Variants in PLA2G4C observed in about 807,000 individuals in gnomAD.
The protein encoded by PLA2G4C is phospholipase A2 group IVC.
PLA2G4C carries 64 observed loss-of-function variants against 73.8 expected under a neutral mutation model. That is an observed-to-expected ratio of 0.87 (90% CI 0.71 to 1.07). The LOEUF (loss-of-function observed/expected upper bound fraction) is 1.07, where lower values mean the gene tolerates loss of function less well. PLA2G4C is among the 50% of genes least tolerant of loss of function. The probability of loss-of-function intolerance (pLI) is 0.00; values close to 1 mark genes in which losing one functional copy is unlikely to be tolerated. For synonymous variants in PLA2G4C, 254 were observed against 252.1 expected (o/e 1.01, Z -0.07); for missense variants, 622 against 665.4 (o/e 0.93, Z 0.72).
At chr19:48,083,392 C>CTTTTTTTTTTTTTTTTTTTTTTTTTTT in intron 10 of PLA2G4C, among the ~76,000 whole-genome samples, 3 of 105,836 alleles carry the variant, frequency 2.8e-5, no homozygotes, top group Non-Finnish European at 3.8e-5. Context: ...ATTTTCTTTT[C>CTTTTTTTTTTTTTTTTTTTTTTTTTTT]TTTTTTTTTT....
rs1968197583 is a variant in PLA2G4C, at chr19:48,062,000, C to T, written c.1255G>A (p.Glu419Lys). 6.8e-6 allele frequency: 11 copies of T among 1,613,718 alleles called. No homozygotes were observed. The highest frequency in any genetic ancestry group is 1.3e-5 in the African/African-American group (1 of 74,980). Reference sequence around the variant, plus strand: ...GCCCCAAAGCCCTTCTCGATTACCTCGAAAGGATCTCCGGCACTGAAGTCG... The same window carrying T: ...GCCCCAAAGCCCTTCTCGATTACCTTGAAAGGATCTCCGGCACTGAAGTCG... ...SFDFSAGDPF[E>K]TIRATTDYCR... is the part of the protein sequence containing the mutation. Residue 419 changes from glutamate to lysine, a missense_variant and splice_region_variant, in exon 14 of 17, where the codon GAG becomes AAG. By Grantham distance (56) the Glu-to-Lys change is moderately conservative. Transcript: ENST00000599921.
In PLA2G4C at chr19:48,054,959, G is replaced by A. The variant is rs768032279; in HGVS notation, c.1348C>T (p.Pro450Ser). 10 of 1,613,710 alleles carry A rather than the reference G, an allele frequency of 6.2e-6. No homozygotes were observed. Among genetic ancestry groups the A allele is most frequent in the Non-Finnish European group, 5.9e-6 (7 of 1,179,976 alleles). The change falls in exon 15 of 17, where the codon CCC (proline) becomes TCC (serine). Residue 450 changes from proline to serine, a missense_variant. Coordinates refer to ENST00000599921, the MANE Select transcript of PLA2G4C (RefSeq NM_003706.3). ...EAELDLWSKA[P>S]ASCYILKGET... ...CCTTTCAGGATGTAGCAGCTGGCGGGGGCCTTGGACCACAAATCCAGCTCA... is the reference window on the plus strand; with the variant it reads ...CCTTTCAGGATGTAGCAGCTGGCGGAGGCCTTGGACCACAAATCCAGCTCA...
chr19:48,091,883 C>CAAAAAAAAAA lies in PLA2G4C; in HGVS notation c.710-1476_710-1467dup, dbSNP rs35118449. Among the ~76,000 whole-genome samples, 13 of 21,104 alleles carry CAAAAAAAAAA rather than the reference C, an allele frequency of 6.2e-4. 1 individual carries two copies. Among genetic ancestry groups the CAAAAAAAAAA allele is most frequent in the African/African-American group, 2.7e-3 (13 of 4,832 alleles). The allele number at this position is 21,104 out of a possible 152,430, so 13.8% of individuals were successfully genotyped here. A position where few individuals can be genotyped will look rare whatever the true frequency, so the allele number is the denominator to read the frequency against. On this transcript the variant is annotated intron_variant, in intron 7 of 16. Transcript: ENST00000599921. Reference sequence around the variant, plus strand: ...TGGGAGACAGAGTGAGACTCCATCTCAAAAAAAAAAAAAAAAAAAAAAAAA... The same window carrying CAAAAAAAAAA: ...TGGGAGACAGAGTGAGACTCCATCTCAAAAAAAAAAAAAAAAAAAAAAAAAAAAAAAAAAA...
intron 10 of PLA2G4C, among the ~76,000 whole-genome samples, chr19:48,079,094 C>T (rs2030367230): frequency 1.3e-5 from 2 of 152,128 alleles, no homozygotes; most frequent in African/African-American, 2.4e-5. Flanking sequence ...TCTCAAACTC[C>T]TGACCTCAGG....
chr19:48,097,941 G>T, intron 6 of PLA2G4C, 198 bp downstream of exon 6: 1 of 523,788 alleles, frequency 1.9e-6, no homozygotes, highest in Non-Finnish European at 3.3e-6. Context: ...CTTGATCCAT[G>T]CAAAGCAAGT....
At chr19:48,075,636 C>T (rs2122553528) in intron 11 of PLA2G4C, among the ~76,000 whole-genome samples, 2 of 152,326 alleles carry the variant, frequency 1.3e-5, no homozygotes, top group Middle Eastern at 3.4e-3. Context: ...TTCTACACTT[C>T]AACCTTCACC....
chr19:48,107,951 C>T (rs1043260612), intron 1 of PLA2G4C, among the ~76,000 whole-genome samples: 13 of 152,202 alleles, frequency 8.5e-5, no homozygotes, highest in African/African-American at 3.1e-4. Context: ...ACGTGACTCA[C>T]ATGACCTTAT....
At chr19:48,091,484 A>G (rs447271) in intron 7 of PLA2G4C, among the ~76,000 whole-genome samples, 14,106 of 152,050 alleles carry the variant, frequency 0.093, 1,385 homozygotes, top group African/African-American at 0.25. Context: ...CACGGTGCTC[A>G]GTCTGTCTTT....
intron 16 of PLA2G4C, among the ~76,000 whole-genome samples, chr19:48,051,522 G>A (rs139373839): frequency 2.0e-5 from 3 of 152,112 alleles, no homozygotes; most frequent in East Asian, 3.9e-4. Context: ...CATGGTGGAA[G>A]CAGGGCACCT....
At position 48,105,386 on chromosome 19, in the gene PLA2G4C, G is replaced by A. The variant is rs146093287; in HGVS notation, c.67C>T (p.Arg23Ter). ...AGAGCTTTCAGCACATGAAGTCTTCGTCTCTCCACGGCCGCCTTTTCTTCT... is the reference window on the plus strand; with the variant it reads ...AGAGCTTTCAGCACATGAAGTCTTCATCTCTCCACGGCCGCCTTTTCTTCT... ...QKEEKAAVER[R>*]RLHVLKALKK... Residue 23 changes from arginine to a stop codon, truncating the protein, a stop_gained, in exon 3 of 17, where the codon CGA becomes TGA. Transcript: ENST00000599921. LOFTEE classifies it high-confidence loss of function. The A allele has an allele frequency of 8.4e-5, 135 of 1,613,812 alleles. No homozygotes were observed. The African/African-American group carries it at 1.3e-3, about 15-fold the overall frequency.
chr19:48,084,112 T>A (rs906730183), intron 10 of PLA2G4C, among the ~76,000 whole-genome samples: 1 of 151,096 alleles, frequency 6.6e-6, no homozygotes, highest in Non-Finnish European at 1.5e-5. Flanking sequence ...CAGACTGGAC[T>A]GTAGTGGTGT....
intron 11 of PLA2G4C, among the ~76,000 whole-genome samples, 184 bp downstream of exon 11, chr19:48,077,587 G>A (rs1157786006): frequency 2.6e-5 from 4 of 152,158 alleles, no homozygotes; most frequent in Non-Finnish European, 5.9e-5. Context: ...GTGTCAGTTT[G>A]AACTCCGATC....
rs2032444259 is a variant in PLA2G4C at position 48,110,513 on chromosome 19, C to T, written c.-59G>A. On this transcript the variant is annotated 5_prime_UTR_variant, in exon 1 of 17. It removes an upstream start codon present in the reference 5' UTR. Coordinates refer to ENST00000599921, the MANE Select transcript of PLA2G4C (RefSeq NM_003706.3). ...TGAGCCTGGGTCTGGGGCGTGTGCG[C>T]ATGCGCGGTGGAGCTTGTGCTCCGG... is the stretch of plus-strand genomic sequence containing the variant. 1 of 1,023,780 alleles carries T rather than the reference C, an allele frequency of 9.8e-7. No homozygotes were observed. 63.4% of individuals were successfully genotyped at this position (1,023,780 alleles called of 1,614,324 possible).
In PLA2G4C at chr19:48,077,831, A is replaced by T. The variant is rs367648985; in HGVS notation, c.845-7T>A. Reference sequence around the variant, plus strand: ...TGCAGCCTCAGTAATCGGGCTGCAAAAGAGCAGAGGCAGGGGGAATGTTTA... The same window carrying T: ...TGCAGCCTCAGTAATCGGGCTGCAATAGAGCAGAGGCAGGGGGAATGTTTA... On this transcript the variant is annotated splice_polypyrimidine_tract_variant and splice_region_variant and intron_variant, in intron 10 of 16. Coordinates refer to ENST00000599921, the MANE Select transcript of PLA2G4C (RefSeq NM_003706.3). 6.2e-7 allele frequency: 1 copy of T among 1,604,678 alleles called. No individual in the cohort carries two copies. The highest frequency in any genetic ancestry group is 8.5e-7 in the Non-Finnish European group (1 of 1,175,788).
rs777013805 is a variant in PLA2G4C at position 48,077,778 on chromosome 19, G to A, written c.891C>T (p.Pro297=). ...LQESSQGEHP[P]PEDEGGEPEH... ...GCAAAGTAGGATGCTTACCTTCTGG[G>A]GGAGGATGTTCCCCTTGTGAACTTT... The change falls in exon 11 of 17, where the codon CCC becomes CCT. Residue 297 remains proline, a synonymous_variant. Coordinates refer to ENST00000599921, the MANE Select transcript of PLA2G4C (RefSeq NM_003706.3). The A allele has an allele frequency of 1.7e-5, 27 of 1,605,718 alleles. No homozygotes were observed. Among genetic ancestry groups the A allele is most frequent in the Middle Eastern group, 3.3e-4 (2 of 6,042 alleles).
At chr19:48,063,943 C>G (rs1041358305) in intron 13 of PLA2G4C, 1 of 151,766 alleles carries the variant, frequency 6.6e-6, no homozygotes, top group African/African-American at 2.4e-5. Context: ...CAGTGCAAAG[C>G]GAAAGCAAGT....
rs761499327 is a variant in PLA2G4C, at chr19:48,104,687, A to G, written c.158T>C (p.Leu53Pro). 1 of 1,613,946 alleles carries G rather than the reference A, an allele frequency of 6.2e-7. No individual in the cohort carries two copies. Among genetic ancestry groups the G allele is most frequent in the African/African-American group, 1.3e-5 (1 of 74,904 alleles). Residue 53 changes from leucine (L) to proline (P), a missense_variant, in exon 4 of 17, where the codon CTG (leucine) becomes CCG (proline). Physicochemically the swap from Leu to Pro is moderately conservative, Grantham distance 98 (BLOSUM62 -3). Coordinates refer to ENST00000599921, the MANE Select transcript of PLA2G4C (RefSeq NM_003706.3). Reference protein sequence around the residue: ...VVAVLGSGGGLRAHIACLGVL... With the variant: ...VVAVLGSGGGPRAHIACLGVL... ...CCCAAGGCAGGCAATGTGAGCCCGC[A>G]GTCCTCCGCCTGAGCCCAGCACAGC...
intron 11 of PLA2G4C, among the ~76,000 whole-genome samples, chr19:48,077,425 CT>C (rs1156933130): frequency 6.6e-6 from 1 of 152,026 alleles, no homozygotes; most frequent in Admixed American, 6.6e-5. Context: ...CTACAAAACA[CT>C]GCTGAAAGAA....
intron 15 of PLA2G4C, among the ~76,000 whole-genome samples, chr19:48,053,364 C>CTTTT (rs1174332835): frequency 2.2e-4 from 22 of 100,586 alleles, no homozygotes; most frequent in African/African-American, 5.1e-4. Context: ...GTCCTTTTTT[C>CTTTT]TTTTTTTTTT....
Sources: allele counts gnomAD v4.1 joint callset (sites outside exome capture counted in the v4.1 genomes callset), GRCh38; gene constraint gnomAD v4.1.1; transcripts MANE v1.5; gene names NCBI Gene and HGNC (gene_info 2026-07-23, HGNC 2026-07-21).